The following KIF1B variants were observed in gnomAD, a reference collection of about 807,000 sequenced individuals.
KIF1B encodes the protein kinesin-like protein KIF1B.
In KIF1B, 76 loss-of-function variants were observed where a neutral mutation model predicts 241.9. The ratio of observed to expected loss-of-function variants is 0.31; its 90% CI spans 0.26 to 0.38. The LOEUF is 0.38. Ranked by LOEUF, KIF1B falls within the 10% of genes least tolerant of loss-of-function variation. KIF1B has a pLI of 1.00. For synonymous variants in KIF1B, 750 were observed against 796.7 expected (o/e 0.94, Z 0.99); for missense variants, 1,622 against 2,271.4 (o/e 0.71, Z 5.81).
At chr1:10,301,266 A>G (rs1048051729) in intron 22 of KIF1B, among the ~76,000 whole-genome samples, 1 of 152,248 alleles carries the variant, frequency 6.6e-6, no homozygotes, top group Non-Finnish European at 1.5e-5. Context: ...ACCACAGTGA[A>G]TAAAAGATTG....
At chr1:10,322,329 G>A (rs764790029) in intron 24 of KIF1B, among the ~76,000 whole-genome samples, 14 of 152,122 alleles carry the variant, frequency 9.2e-5, no homozygotes, top group Non-Finnish European at 1.9e-4. Context: ...CTCCACGAGT[G>A]GTGTTGATCC....
chr1:10,363,687 A>G (rs2102347976), intron 41 of KIF1B, among the ~76,000 whole-genome samples: 1 of 152,268 alleles, frequency 6.6e-6, no homozygotes. Flanking sequence ...AGTGAGACTC[A>G]GTCTCAAAAA....
At chr1:10,336,794 C>G in intron 29 of KIF1B, 52 bp downstream of exon 29, 2 of 1,504,018 alleles carry the variant, frequency 1.3e-6, no homozygotes, top group Admixed American at 1.7e-5. Flanking sequence ...AAAGAATGTT[C>G]AGCATTGGAG....
chr1:10,293,859 A>G (rs1336894474), intron 17 of KIF1B, among the ~76,000 whole-genome samples: 3 of 152,134 alleles, frequency 2.0e-5, no homozygotes, highest in Non-Finnish European at 2.9e-5. Context: ...AGCTTTCTAG[A>G]CTTCTTCATG....
At chr1:10,299,369 A>G (rs1410742459) in intron 22 of KIF1B, among the ~76,000 whole-genome samples, 1 of 152,318 alleles carries the variant, frequency 6.6e-6, no homozygotes, top group East Asian at 1.9e-4. Context: ...AAAGCAAGGA[A>G]GTTGCTTTCC....
chr1:10,252,071 G>C (rs1557665656), intron 2 of KIF1B, among the ~76,000 whole-genome samples: 1 of 151,908 alleles, frequency 6.6e-6, no homozygotes, highest in Non-Finnish European at 1.5e-5. Context: ...ATGGAGTCTT[G>C]CTCTGTTGCC....
At position 10,374,484 on chromosome 1, in the gene KIF1B, A is replaced by G. The variant is rs1390517511; in HGVS notation, c.5096+19A>G. The G allele has an allele frequency of 1.9e-6, 3 of 1,613,742 alleles. No individual in the cohort carries two copies. The highest frequency in any genetic ancestry group is 2.7e-5 in the African/African-American group (2 of 74,938). ...GACCAAGGTGAGTACTATATTGAGC[A>G]GGAATGCCAGCTATAAAAAACAAAT... On this transcript the variant is annotated intron_variant, in intron 46 of 48. Coordinates refer to ENST00000676179, the MANE Select transcript of KIF1B (RefSeq NM_001365951.3). The surrounding 1 kb of genome is among the most constrained non-coding windows in gnomAD (Gnocchi z 4.3).
chr1:10,347,588 A>T (rs1236504222), intron 35 of KIF1B, among the ~76,000 whole-genome samples, 173 bp from the exon 36 acceptor site: 1 of 152,226 alleles, frequency 6.6e-6, no homozygotes, highest in South Asian at 2.1e-4. Context: ...TCTAGAGAGG[A>T]TTGAGACATA....
chr1:10,291,185 T>C, intron 16 of KIF1B, 24 bp downstream of exon 16: 1 of 1,504,658 alleles, frequency 6.6e-7, no homozygotes, highest in Non-Finnish European at 9.2e-7. Context: ...AATCTGGAAA[T>C]GTTTCTAAGT....
At chr1:10,211,433 A>G (rs1646691884) in intron 1 of KIF1B, among the ~76,000 whole-genome samples, 1 of 152,138 alleles carries the variant, frequency 6.6e-6, no homozygotes, top group South Asian at 2.1e-4. Flanking sequence ...GATGCTGGCC[A>G]GGTGTGAGGA....
intron 2 of KIF1B, among the ~76,000 whole-genome samples, chr1:10,245,666 C>T (rs573488480): frequency 4.1e-4 from 62 of 152,270 alleles, no homozygotes; most frequent in African/African-American, 1.4e-3. Flanking sequence ...AGGAAAACAG[C>T]CTTGAAACCT....
intron 1 of KIF1B, among the ~76,000 whole-genome samples, chr1:10,211,219 G>A (rs1646689257): frequency 6.6e-6 from 1 of 152,230 alleles, no homozygotes. Flanking sequence ...TGCAGCCCGG[G>A]GGGCGGCTGT....
At chr1:10,304,659 G>A (rs1203097652) in intron 22 of KIF1B, 4 of 1,613,286 alleles carry the variant, frequency 2.5e-6, no homozygotes, top group Non-Finnish European at 3.4e-6. Context: ...TCAGTTACTG[G>A]ACAAACTTGA....
chr1:10,362,596 A>C (rs1638454820), intron 40 of KIF1B, among the ~76,000 whole-genome samples: 1 of 152,138 alleles, frequency 6.6e-6, no homozygotes, highest in South Asian at 2.1e-4. Context: ...AGAAGGTATT[A>C]TACCTCCTAC....
At chr1:10,221,940 T>A (rs1646850842) in intron 1 of KIF1B, among the ~76,000 whole-genome samples, 5 of 152,070 alleles carry the variant, frequency 3.3e-5, no homozygotes, top group Admixed American at 3.3e-4. Flanking sequence ...CTCAGCCTCC[T>A]AAGTAGCTGG....
At chr1:10,260,663 G>A (rs1426000955) in intron 4 of KIF1B, among the ~76,000 whole-genome samples, 2 of 151,832 alleles carry the variant, frequency 1.3e-5, no homozygotes, top group African/African-American at 2.4e-5. Context: ...TCAGGAGTTC[G>A]AGACCAGCCT....
At chr1:10,265,879 A>C (rs886393023) in intron 5 of KIF1B, among the ~76,000 whole-genome samples, 1 of 152,168 alleles carries the variant, frequency 6.6e-6, no homozygotes, top group African/African-American at 2.4e-5. Flanking sequence ...AATACAGTAT[A>C]AAAATACAGT....
At chr1:10,341,750 G>T (rs1652400117) in intron 32 of KIF1B, among the ~76,000 whole-genome samples, 1 of 152,100 alleles carries the variant, frequency 6.6e-6, no homozygotes. Flanking sequence ...AGAAGGATCA[G>T]TTCAGCACAT....
intron 5 of KIF1B, among the ~76,000 whole-genome samples, 161 bp downstream of exon 5, chr1:10,262,131 C>G (rs1165491881): frequency 6.6e-6 from 1 of 152,046 alleles, no homozygotes; most frequent in Admixed American, 6.6e-5. Context: ...TGAATAGTGT[C>G]CTGCTTTAAT....
Sources: allele counts gnomAD v4.1 joint callset (sites outside exome capture counted in the v4.1 genomes callset), GRCh38; gene constraint gnomAD v4.1.1; non-coding constraint Gnocchi (gnomAD v3.1); transcripts MANE v1.5; gene names NCBI Gene and HGNC (gene_info 2026-07-23, HGNC 2026-07-21).